KANSL3: variants seen among roughly 807,000 people sequenced by gnomAD.
KANSL3 encodes the protein NSL complex protein NSL3.
KANSL3 carries 16 observed loss-of-function variants against 89.2 expected under a neutral mutation model. The ratio of observed to expected loss-of-function variants is 0.18; its 90% confidence interval spans 0.12 to 0.27. The LOEUF (loss-of-function observed/expected upper bound fraction) is 0.27. Among genes scored for constraint, KANSL3 ranks in the 10% least tolerant of loss-of-function variants. The pLI is 1.00. For synonymous variants in KANSL3, 385 were observed against 419.7 expected (o/e 0.92, Z 1.01); for missense variants, 879 against 1,110.6 (o/e 0.79, Z 2.96).
rs1435028634 is a variant in KANSL3 at position 96,605,444 on chromosome 2, G to C, written c.1809C>G (p.His603Gln). The change falls in exon 15 of 21, where the codon CAC becomes CAG. Residue 603 changes from histidine to glutamine, a missense_variant. His to Gln is a conservative substitution (Grantham distance 24). Transcript: ENST00000431828. ...TGCCAGGAAGGGGACTCGAGGGATGGTGTCGCTTCAGCTGAACCCTAAGAT... is the reference window on the plus strand; with the variant it reads ...TGCCAGGAAGGGGACTCGAGGGATGCTGTCGCTTCAGCTGAACCCTAAGAT... Reference protein sequence around the residue: ...KEDLRVQLKRHHPSSPLPGSK... With the variant: ...KEDLRVQLKRQHPSSPLPGSK... 1 of 1,613,944 alleles carries C rather than the reference G, an allele frequency of 6.2e-7. No homozygotes were observed. Among genetic ancestry groups the C allele is most frequent in the Non-Finnish European group, 8.5e-7 (1 of 1,179,850 alleles).
chr2:96,594,971 T>C lies in KANSL3; in HGVS notation c.*640A>G, dbSNP rs2104801861. 6.6e-6 allele frequency: 1 copy of C among 152,408 alleles called. No individual in the cohort carries two copies. Among genetic ancestry groups the C allele is most frequent in the African/African-American group, 2.4e-5 (1 of 41,592 alleles). 9.4% of individuals were successfully genotyped at this position (152,408 alleles called of 1,614,324 possible). On this transcript the variant is annotated 3_prime_UTR_variant, in exon 21 of 21. Transcript: ENST00000431828. ...TGAAAGATGACAGCCTAGTTCTCTT[T>C]GCCTTCATTATGATACTAACAAAAA...
At chr2:96,586,696 C>T in the KANSL3 span, among the ~76,000 whole-genome samples, 4 of 152,202 alleles carry the variant, frequency 2.6e-5, no homozygotes, top group Admixed American at 6.5e-5. Flanking sequence ...GCCTGATCAT[C>T]GCACACTACA....
intron 2 of KANSL3, among the ~76,000 whole-genome samples, chr2:96,632,104 C>A (rs1283419282): frequency 6.6e-6 from 1 of 152,014 alleles, no homozygotes; most frequent in East Asian, 1.9e-4. Context: ...CCTGTAATCC[C>A]AGCACTTGGG....
Position 96,604,232 on chromosome 2 carries a change from T to G in KANSL3, c.2149+18A>C. 1 of 1,584,754 alleles carries G rather than the reference T, an allele frequency of 6.3e-7. No individual in the cohort carries two copies. Among genetic ancestry groups the G allele is most frequent in the Non-Finnish European group, 8.6e-7 (1 of 1,167,886 alleles). Reference sequence around the variant, plus strand: ...AAAATTCTGTGTTGGAAGGGGAGAATGCTGGGCCACAAGATACCTGGGAGG... The same window carrying G: ...AAAATTCTGTGTTGGAAGGGGAGAAGGCTGGGCCACAAGATACCTGGGAGG... On this transcript the variant is annotated intron_variant, in intron 17 of 20. Coordinates refer to ENST00000431828, the MANE Select transcript of KANSL3 (RefSeq NM_001115016.3).
At chr2:96,617,726 G>A (rs560714711) in intron 5 of KANSL3, among the ~76,000 whole-genome samples, 29 of 151,938 alleles carry the variant, frequency 1.9e-4, no homozygotes, top group Admixed American at 7.2e-4. Flanking sequence ...GGCAGGGCAC[G>A]GCAGCTCACG....
At chr2:96,592,916 T>C (rs1291798308), downstream of KANSL3, among the ~76,000 whole-genome samples, 3 of 152,020 alleles carry the variant, frequency 2.0e-5, no homozygotes, top group African/African-American at 4.8e-5. Flanking sequence ...GGCAGGAGAA[T>C]TGCTTGAACA....
intron 5 of KANSL3, among the ~76,000 whole-genome samples, chr2:96,616,293 T>C (rs1366100247): frequency 6.6e-6 from 1 of 152,212 alleles, no homozygotes; most frequent in Non-Finnish European, 1.5e-5. Context: ...GGTTAAGCTT[T>C]ATCTAACAGT....
At chr2:96,604,468 C>G in intron 16 of KANSL3, 88 bp from the exon 17 acceptor site, 1 of 1,475,442 alleles carries the variant, frequency 6.8e-7, no homozygotes, top group Admixed American at 2.1e-5. Flanking sequence ...TGGGGCCCAG[C>G]AAGGCTTTCA....
the KANSL3 span, among the ~76,000 whole-genome samples, chr2:96,582,255 G>A: frequency 1.5e-4 from 23 of 152,066 alleles, no homozygotes; most frequent in South Asian, 4.0e-3. Context: ...AAAATTAGCC[G>A]GGCATGGTGG....
In KANSL3 at chr2:96,613,530, C is replaced by T. The variant is rs1311815387; in HGVS notation, c.753G>A (p.Arg251=). 1 of 1,613,538 alleles carries T rather than the reference C, an allele frequency of 6.2e-7. No homozygotes were observed. The highest frequency in any genetic ancestry group is 2.2e-5 in the East Asian group (1 of 44,878). The part of the protein sequence containing the change: ...GAEALSLLLK[R]PWDPAVGVLS... ...GCACACCCACAGCAGGGTCCCAGGG[C>T]CTCTTCAGTAGGAGAGACAAGGCCT... Residue 251 remains arginine (R), a synonymous_variant, in exon 6 of 21, where the codon AGG becomes AGA. Coordinates refer to ENST00000431828, the MANE Select transcript of KANSL3 (RefSeq NM_001115016.3).
downstream of KANSL3, among the ~76,000 whole-genome samples, chr2:96,588,194 A>G (rs1472407681): frequency 1.3e-5 from 2 of 152,166 alleles, no homozygotes; most frequent in East Asian, 3.8e-4. Context: ...AATCCATGTC[A>G]AGATGCATCA....
chr2:96,632,024 T>TGACA (rs1178734084), intron 2 of KANSL3, among the ~76,000 whole-genome samples: 1 of 152,010 alleles, frequency 6.6e-6, no homozygotes. Context: ...CCAGCCTGGG[T>TGACA]GACAGAGCAA....
At position 96,619,514 on chromosome 2, in the gene KANSL3, C is replaced by T. The variant is rs2070843900; in HGVS notation, c.508G>A (p.Ala170Thr). 1 of 1,613,910 alleles carries T rather than the reference C, an allele frequency of 6.2e-7. No individual in the cohort carries two copies. The change falls in exon 5 of 21, where the codon GCT becomes ACT. Residue 170 changes from alanine to threonine, a missense_variant. By Grantham distance (58) the Ala-to-Thr change is moderately conservative. Around this residue, in one of 6 missense-constraint regions of KANSL3, gnomAD observed 210 missense variants for 311.9 expected, o/e 0.67. Transcript: ENST00000431828. ...ACNEPVLRRV[A>T]VDKCARRVRQ... is the part of the protein sequence containing the mutation. ...ACTCTCCTTGCACACTTGTCCACAG[C>T]AACACGGCGCAGCACTGGCTCATTA...
chr2:96,585,615 A>T, the KANSL3 span, among the ~76,000 whole-genome samples: 1 of 152,220 alleles, frequency 6.6e-6, no homozygotes, highest in Admixed American at 6.5e-5. Context: ...ACTACTGGGT[A>T]TCTACCCAAA....
At chr2:96,624,231 A>G (rs1031205129) in intron 3 of KANSL3, among the ~76,000 whole-genome samples, 7 of 152,204 alleles carry the variant, frequency 4.6e-5, no homozygotes, top group Non-Finnish European at 5.9e-5. Flanking sequence ...TTAGATGCAC[A>G]GCAGACTCAC....
chr2:96,593,090 T>C, downstream of KANSL3: 1 of 364,384 alleles, frequency 2.7e-6, no homozygotes, highest in South Asian at 2.1e-5. Context: ...ATCTTAGCTC[T>C]ACCTTTGGTG....
chr2:96,585,681 T>A, the KANSL3 span, among the ~76,000 whole-genome samples: 1 of 151,968 alleles, frequency 6.6e-6, no homozygotes, highest in Admixed American at 6.6e-5. Context: ...AGCAATACAA[T>A]TTGCAACTGC....
At chr2:96,615,600 G>A (rs1339119618) in intron 5 of KANSL3, 7 of 1,007,890 alleles carry the variant, frequency 6.9e-6, no homozygotes, top group African/African-American at 6.7e-5. Flanking sequence ...GAAAGAAAAA[G>A]GTTTTGAAAA....
intron 7 of KANSL3, 22 bp from the exon 8 acceptor site, chr2:96,612,585 C>G (rs2069200439): frequency 1.3e-6 from 2 of 1,577,282 alleles, no homozygotes; most frequent in Non-Finnish European, 1.7e-6. Context: ...AAGTAGCCCC[C>G]ACACCAGCAG....
Sources: allele counts gnomAD v4.1 joint callset (sites outside exome capture counted in the v4.1 genomes callset), GRCh38; gene constraint gnomAD v4.1.1; regional missense constraint gnomAD v4.1.1; transcripts MANE v1.5; gene names NCBI Gene and HGNC (gene_info 2026-07-23, HGNC 2026-07-21).